PARD3: variants seen among roughly 807,000 people sequenced by gnomAD.
The protein encoded by PARD3 is partitioning defective 3 homolog.
Under a neutral mutation model 155.4 loss-of-function variants are expected in PARD3, and 75 were observed. The observed-to-expected ratio is 0.48, with a 90% CI of 0.40 to 0.58. PARD3 has a LOEUF of 0.58. PARD3 is among the 20% of genes least tolerant of loss of function. PARD3 has a pLI of 0.00. For synonymous variants in PARD3, 576 were observed against 610.5 expected (o/e 0.94, Z 0.83); for missense variants, 1,642 against 1,721.7 (o/e 0.95, Z 0.82).
intron 21 of PARD3, among the ~76,000 whole-genome samples, chr10:34,278,107 T>C (rs1476964485): frequency 6.6e-6 from 1 of 151,962 alleles, no homozygotes; most frequent in Non-Finnish European, 1.5e-5. Context: ...AGTGCAGTAG[T>C]ATAATCATAG....
chr10:34,138,005 T>TA (rs1196171852), intron 22 of PARD3, among the ~76,000 whole-genome samples: 2 of 152,146 alleles, frequency 1.3e-5, no homozygotes, highest in African/African-American at 2.4e-5. Flanking sequence ...TTCAAGGAAA[T>TA]AAAGTATGGA....
intron 20 of PARD3, among the ~76,000 whole-genome samples, chr10:34,285,655 T>C (rs549299106): frequency 6.6e-6 from 1 of 152,294 alleles, no homozygotes; most frequent in Non-Finnish European, 1.5e-5. Context: ...TTATTTCTAT[T>C]AATGGCTTGG....
intron 12 of PARD3, among the ~76,000 whole-genome samples, chr10:34,368,659 G>A (rs778818715): frequency 3.3e-5 from 5 of 151,386 alleles, no homozygotes; most frequent in Admixed American, 6.6e-5. Context: ...AAGACAGAGC[G>A]AGACTCCATC....
intron 3 of PARD3, among the ~76,000 whole-genome samples, chr10:34,504,966 ATGGG>A (rs2080963936): frequency 6.6e-6 from 1 of 152,196 alleles, no homozygotes; most frequent in African/African-American, 2.4e-5. Context: ...AATCCACAAT[ATGGG>A]TCTCTGTGTG....
intron 23 of PARD3, among the ~76,000 whole-genome samples, chr10:34,120,051 C>G (rs1254186787): frequency 8.7e-6 from 1 of 114,474 alleles, no homozygotes; most frequent in East Asian, 2.7e-4. Context: ...GGATCTCACT[C>G]TGTCACCCAA....
rs573593977 is a variant in PARD3 at position 34,185,548 on chromosome 10, T to A, written c.3420-53965A>T. ...GGATTTTTTTTCTTTTTTCTGTTCA[T>A]GGGCTCATATCTCAACAGTTACTGG... On this transcript the variant is annotated intron_variant, in intron 22 of 24. Transcript: ENST00000374788. Among the ~76,000 whole-genome samples, 48 of 152,272 alleles carry A rather than the reference T, an allele frequency of 3.2e-4. No homozygotes were observed. In the South Asian group the frequency reaches 6.2e-3, roughly 20 times the overall value.
At chr10:34,403,009 T>G (rs1487760684) in intron 5 of PARD3, among the ~76,000 whole-genome samples, 1 of 152,182 alleles carries the variant, frequency 6.6e-6, no homozygotes, top group African/African-American at 2.4e-5. Flanking sequence ...TTAGCCAGAT[T>G]AGAACAGTTA....
chr10:34,244,756 G>A (rs758044848), intron 22 of PARD3, among the ~76,000 whole-genome samples: 1 of 152,058 alleles, frequency 6.6e-6, no homozygotes, highest in Non-Finnish European at 1.5e-5. Context: ...TAAATGAATC[G>A]AGTTATTAAG....
chr10:34,128,406 ATCT>A (rs1947404021), intron 23 of PARD3, among the ~76,000 whole-genome samples: 1 of 152,204 alleles, frequency 6.6e-6, no homozygotes, highest in African/African-American at 2.4e-5. Context: ...TCTTAATAAC[ATCT>A]TCTTTCTAGT....
chr10:34,120,392 T>C (rs1946930857), intron 23 of PARD3, among the ~76,000 whole-genome samples: 1 of 151,884 alleles, frequency 6.6e-6, no homozygotes, highest in Admixed American at 6.6e-5. Context: ...ACAATAAGAA[T>C]GAGGCTCTTC....
At chr10:34,201,865 G>A (rs1300454807) in intron 22 of PARD3, 1 of 152,182 alleles carries the variant, frequency 6.6e-6, no homozygotes, top group Non-Finnish European at 1.5e-5. Flanking sequence ...CCTTGTGCTG[G>A]ATACCAGGGA....
chr10:34,426,892 A>G (rs1443818408), intron 5 of PARD3, among the ~76,000 whole-genome samples: 1 of 152,170 alleles, frequency 6.6e-6, no homozygotes, highest in Non-Finnish European at 1.5e-5. Flanking sequence ...TAGTTCCCCA[A>G]ATTAATACTT....
At chr10:34,525,103 C>G (rs185516027) in intron 2 of PARD3, among the ~76,000 whole-genome samples, 2 of 152,306 alleles carry the variant, frequency 1.3e-5, no homozygotes, top group African/African-American at 4.8e-5. Context: ...TAGTGTTTAA[C>G]TGGACGAGTA....
At chr10:34,241,985 C>A (rs61840218) in intron 22 of PARD3, among the ~76,000 whole-genome samples, 13,047 of 152,086 alleles carry the variant, frequency 0.086, 621 homozygotes, top group Non-Finnish European at 0.095. Context: ...ATTTTAAGTC[C>A]AAGTAAGACC....
At chr10:34,269,315 C>T (rs1476643242) in intron 22 of PARD3, among the ~76,000 whole-genome samples, 1 of 152,140 alleles carries the variant, frequency 6.6e-6, no homozygotes, top group Non-Finnish European at 1.5e-5. Context: ...CACCTAGAGG[C>T]TCTCCTAGCA....
chr10:34,355,678 C>T (rs1022604746), intron 14 of PARD3, among the ~76,000 whole-genome samples: 1 of 152,072 alleles, frequency 6.6e-6, no homozygotes, highest in South Asian at 2.1e-4. Context: ...CCTGTAATTC[C>T]AGCACTTTGG....
At chr10:34,679,183 G>C (rs2093765274) in intron 2 of PARD3, among the ~76,000 whole-genome samples, 1 of 152,136 alleles carries the variant, frequency 6.6e-6, no homozygotes, top group Non-Finnish European at 1.5e-5. Context: ...GTGGAAAATA[G>C]GGGAACACAT....
At chr10:34,729,732 T>C (rs1293741486) in intron 1 of PARD3, among the ~76,000 whole-genome samples, 3 of 152,050 alleles carry the variant, frequency 2.0e-5, no homozygotes, top group Non-Finnish European at 2.9e-5. Context: ...CTAAGGAAAT[T>C]ACACACACAA....
At chr10:34,238,010 T>C (rs1953346766) in intron 22 of PARD3, among the ~76,000 whole-genome samples, 1 of 151,978 alleles carries the variant, frequency 6.6e-6, no homozygotes, top group South Asian at 2.1e-4. Context: ...AATAGGAAAA[T>C]CTAGATGAAC....
Sources: allele counts gnomAD v4.1 joint callset (sites outside exome capture counted in the v4.1 genomes callset), GRCh38; gene constraint gnomAD v4.1.1; transcripts MANE v1.5; gene names NCBI Gene and HGNC (gene_info 2026-07-23, HGNC 2026-07-21).